ECPAS: variants seen among roughly 807,000 people sequenced by gnomAD.
The protein encoded by ECPAS is proteasome adapter and scaffold protein ECM29.
A neutral mutation model predicts 255.1 loss-of-function variants in ECPAS; 70 were observed. The ratio of observed to expected loss-of-function variants is 0.27; its 90% CI spans 0.23 to 0.33. The LOEUF (loss-of-function observed/expected upper bound fraction) is 0.33. Among genes scored for constraint, ECPAS ranks in the 10% least tolerant of loss-of-function variants. The probability of loss-of-function intolerance (pLI) is 1.00; values close to 1 mark genes in which losing one functional copy is unlikely to be tolerated. For synonymous variants in ECPAS, 784 were observed against 775.0 expected (o/e 1.01, Z -0.19); for missense variants, 1,817 against 2,206.4 (o/e 0.82, Z 3.54).
At chr9:111,373,948 C>G in intron 39 of ECPAS, 24 bp downstream of exon 39, 1 of 1,579,064 alleles carries the variant, frequency 6.3e-7, no homozygotes, top group Non-Finnish European at 8.7e-7. Context: ...AAAAATATCA[C>G]CACACATCCC....
At chr9:111,466,024 C>A (rs112567678) in intron 2 of ECPAS, among the ~76,000 whole-genome samples, 3,272 of 151,202 alleles carry the variant, frequency 0.022, 118 homozygotes, top group African/African-American at 0.074. Flanking sequence ...CAGAGCAAGA[C>A]CCTGTCCCAA....
chr9:111,370,364 T>G, intron 45 of ECPAS, 71 bp downstream of exon 45: 1 of 1,017,842 alleles, frequency 9.8e-7, no homozygotes. Flanking sequence ...AATCAGGACA[T>G]AGGGGAAAAC....
chr9:111,423,487 A>G (rs1309655386), intron 12 of ECPAS, among the ~76,000 whole-genome samples: 12 of 152,200 alleles, frequency 7.9e-5, no homozygotes, highest in Non-Finnish European at 1.8e-4. Flanking sequence ...TTGCATCCCC[A>G]ATCGCTCCAA....
Position 111,370,708 on chromosome 9 carries a change from GA to G in ECPAS, c.4781+13del, listed in dbSNP as rs1332112671. The G allele has an allele frequency of 6.2e-7, 1 of 1,606,844 alleles. No individual in the cohort carries two copies. The highest frequency in any genetic ancestry group is 8.5e-7 in the Non-Finnish European group (1 of 1,176,608). On this transcript the variant is annotated intron_variant, in intron 44 of 49. Coordinates refer to ENST00000684092, the MANE Select transcript of ECPAS (RefSeq NM_001364929.1). ...CAGTTTAAGAAATGGCATCTTCATT[GA>G]AAGAACATTTACCTGCAAGCTGTCA...
At chr9:111,411,676 G>A (rs2098194650) in intron 21 of ECPAS, 1 of 204,440 alleles carries the variant, frequency 4.9e-6, no homozygotes, top group Non-Finnish European at 9.7e-6. Flanking sequence ...TACTCATCAG[G>A]CCCGACCCTG....
chr9:111,363,694 C>T, intron 48 of ECPAS, 35 bp from the exon 49 acceptor site: 1 of 989,894 alleles, frequency 1.0e-6, no homozygotes, highest in Non-Finnish European at 1.5e-6. Flanking sequence ...ATATGGCCTG[C>T]CTGAAAAACA....
At chr9:111,465,198 T>C (rs907792711) in intron 2 of ECPAS, among the ~76,000 whole-genome samples, 2 of 151,308 alleles carry the variant, frequency 1.3e-5, no homozygotes, top group Non-Finnish European at 2.9e-5. Flanking sequence ...TAGCAGAAAA[T>C]GTAAAAATTT....
At chr9:111,452,664 TTAGA>T (rs2098261823) in intron 2 of ECPAS, among the ~76,000 whole-genome samples, 1 of 152,148 alleles carries the variant, frequency 6.6e-6, no homozygotes, top group African/African-American at 2.4e-5. Flanking sequence ...GGAAGATAGA[TTAGA>T]TAGACATAGA....
At position 111,412,264 on chromosome 9, in the gene ECPAS, C is replaced by A. The variant is rs1047972017; in HGVS notation, c.2080-116G>T. 78 of 896,094 alleles carry A rather than the reference C, an allele frequency of 8.7e-5. No homozygotes were observed. Among genetic ancestry groups the A allele is most frequent in the Admixed American group, 1.6e-4 (4 of 24,590 alleles). The allele number at this position is 896,094 out of a possible 1,614,324, so 55.5% of individuals were successfully genotyped here. A position where few individuals can be genotyped will look rare whatever the true frequency, so the allele number is the denominator to read the frequency against. ...CTGTTGATGGATATTGAGAAAAAAA[C>A]AAGCCATTATTTGAAAACAAAATGA... On this transcript the variant is annotated intron_variant, in intron 20 of 49. Transcript: ENST00000684092.
At position 111,360,858 on chromosome 9, in the gene ECPAS, C is replaced by CAG. The variant is rs1832603083; in HGVS notation, c.*1170_*1171dup. ...ATAAGGATGAGTACTGAATGTAAAC[C>CAG]AGTCTTCTGCTCTGGAATCCAAGGT... On this transcript the variant is annotated 3_prime_UTR_variant, in exon 50 of 50. Coordinates refer to ENST00000684092, the MANE Select transcript of ECPAS (RefSeq NM_001364929.1). 1.3e-5 allele frequency: 2 copies of CAG among 152,070 alleles called. No individual in the cohort carries two copies. The highest frequency in any genetic ancestry group is 3.9e-4 in the East Asian group (2 of 5,186). The allele number at this position is 152,070 out of a possible 1,614,324, so 9.4% of individuals were successfully genotyped here.
chr9:111,440,287 G>A (rs1047514595), intron 6 of ECPAS, 85 bp downstream of exon 6: 1 of 1,227,582 alleles, frequency 8.1e-7, no homozygotes, highest in East Asian at 2.4e-5. Flanking sequence ...TCATTTACTA[G>A]TGAGAGTTTA....
intron 33 of ECPAS, among the ~76,000 whole-genome samples, chr9:111,384,854 TA>T (rs1376693176): frequency 2.0e-5 from 3 of 152,132 alleles, no homozygotes; most frequent in African/African-American, 7.2e-5. Flanking sequence ...AGTAAATACA[TA>T]AAGATCTATG....
At chr9:111,410,327 C>T (rs752253311) in intron 22 of ECPAS, 114 bp from the exon 23 acceptor site, 89 of 796,846 alleles carry the variant, frequency 1.1e-4, no homozygotes, top group Non-Finnish European at 1.4e-4. Flanking sequence ...TCAAAGTGTA[C>T]GATATCTTCT....
chr9:111,422,256 G>A, intron 13 of ECPAS, 56 bp from the exon 14 acceptor site: 3 of 1,548,358 alleles, frequency 1.9e-6, no homozygotes, highest in Admixed American at 1.7e-5. Flanking sequence ...AGATGAAAAA[G>A]GGAAAAAATG....
chr9:111,414,620 T>A lies in ECPAS; in HGVS notation c.1796A>T (p.His599Leu). Residue 599 changes from histidine (H) to leucine (L), a missense_variant, in exon 19 of 50, where the codon CAC becomes CTC. Coordinates refer to ENST00000684092, the MANE Select transcript of ECPAS (RefSeq NM_001364929.1). Reference protein sequence around the residue: ...IVLYLRMCLAHSAGVVPTSQS... With the variant: ...IVLYLRMCLALSAGVVPTSQS... ...AGAGGTGGGCACCACCCCCGCACTG[T>A]GCGCAAGGCACATGCGCAAGTACAG... 6.2e-7 allele frequency: 1 copy of A among 1,613,660 alleles called. No individual in the cohort carries two copies. Among genetic ancestry groups the A allele is most frequent in the Non-Finnish European group, 8.5e-7 (1 of 1,179,814 alleles).
intron 2 of ECPAS, among the ~76,000 whole-genome samples, chr9:111,466,608 TAAC>T (rs2098279853): frequency 7.2e-6 from 1 of 139,712 alleles, no homozygotes; most frequent in Non-Finnish European, 1.5e-5. Flanking sequence ...AAAATATAAA[TAAC>T]TAAATACACA....
At chr9:111,368,488 AG>A (rs1335482281) in intron 46 of ECPAS, among the ~76,000 whole-genome samples, 2 of 152,200 alleles carry the variant, frequency 1.3e-5, no homozygotes, top group Non-Finnish European at 2.9e-5. Context: ...TGGTTATTAT[AG>A]GTGGAACTGT....
chr9:111,437,966 T>C (rs1253471228), intron 6 of ECPAS, among the ~76,000 whole-genome samples: 1 of 152,172 alleles, frequency 6.6e-6, no homozygotes. Context: ...ATAATAAAAG[T>C]TCAAGAAAAC....
At chr9:111,413,808 T>C (rs554846982) in intron 20 of ECPAS, 87 bp downstream of exon 20, 6 of 787,392 alleles carry the variant, frequency 7.6e-6, no homozygotes, top group East Asian at 5.6e-5. Context: ...GAAAAGGTCA[T>C]AGGGATCCCG....
Sources: allele counts gnomAD v4.1 joint callset (sites outside exome capture counted in the v4.1 genomes callset), GRCh38; gene constraint gnomAD v4.1.1; transcripts MANE v1.5; gene names NCBI Gene and HGNC (gene_info 2026-07-23, HGNC 2026-07-21).